The following FILIP1L variants were observed in gnomAD, a reference collection of about 807,000 sequenced individuals.
The protein encoded by FILIP1L is filamin A-interacting protein 1-like.
In FILIP1L, 55 loss-of-function variants were observed where a neutral mutation model predicts 96.6. The observed-to-expected ratio is 0.57, with a 90% CI of 0.46 to 0.71. The LOEUF is 0.71. Ranked by LOEUF, FILIP1L falls within the 30% of genes least tolerant of loss-of-function variation. FILIP1L has a pLI of 0.00. For synonymous variants in FILIP1L, 467 were observed against 473.9 expected, an observed-to-expected ratio of 0.99 and a Z score of 0.19; for missense variants, 1,304 against 1,321.2, an observed-to-expected ratio of 0.99 and a Z score of 0.20.
rs150193435 is a variant in FILIP1L, at chr3:99,997,782, G to A, written c.-10-66752C>T. On this transcript the variant is annotated intron_variant, in intron 1 of 5. Transcript: ENST00000477258. Reference sequence around the variant, plus strand: ...TGAAAAGATAAAATAAGAATAGCATGAGGTAATAGAGTTTTGATTTCCCTC... The same window carrying A: ...TGAAAAGATAAAATAAGAATAGCATAAGGTAATAGAGTTTTGATTTCCCTC... 9.2e-5 allele frequency among the ~76,000 whole-genome samples: 14 copies of A among 152,308 alleles called. No individual in the cohort carries two copies. The East Asian group carries it at 2.7e-3, about 29-fold the overall frequency.
At chr3:99,936,098 C>A (rs1422052432) in intron 1 of FILIP1L, among the ~76,000 whole-genome samples, 1 of 152,002 alleles carries the variant, frequency 6.6e-6, no homozygotes, top group Non-Finnish European at 1.5e-5. Flanking sequence ...TTTTCTTACT[C>A]ATTTTTGTTT....
At chr3:99,966,759 A>G (rs1708665876) in intron 1 of FILIP1L, among the ~76,000 whole-genome samples, 1 of 152,202 alleles carries the variant, frequency 6.6e-6, no homozygotes, top group African/African-American at 2.4e-5. Flanking sequence ...GGTGAGCAGG[A>G]TCTCTGTAAA....
chr3:99,833,268 A>AG, intron 5 of FILIP1L: 2 of 1,609,230 alleles, frequency 1.2e-6, no homozygotes, highest in Non-Finnish European at 1.7e-6. Flanking sequence ...CCACCTAGGG[A>AG]GCAGTAGAAA....
intron 4 of FILIP1L, among the ~76,000 whole-genome samples, chr3:99,858,819 T>C (rs1027341233): frequency 1.3e-5 from 2 of 152,224 alleles, no homozygotes; most frequent in African/African-American, 4.8e-5. Context: ...CTCCAGAGGA[T>C]AGACAGTTGA....
At chr3:100,050,510 T>C (rs147657015) in intron 1 of FILIP1L, among the ~76,000 whole-genome samples, 25 of 152,290 alleles carry the variant, frequency 1.6e-4, no homozygotes, top group African/African-American at 5.1e-4. Flanking sequence ...CTCTGTAAAT[T>C]CCCACAATTT....
rs779971375 is a variant in FILIP1L at position 99,849,674 on chromosome 3, C to G, written c.2002G>C (p.Asp668His). 6.2e-7 allele frequency: 1 copy of G among 1,613,352 alleles called. No homozygotes were observed. Among genetic ancestry groups the G allele is most frequent in the East Asian group, 2.2e-5 (1 of 44,856 alleles). ...TLERRYANERDKAQFLSKELE... is the reference protein window; with the variant it reads ...TLERRYANERHKAQFLSKELE... ...TCTTTAGATAAAAATTGAGCTTTGT[C>G]TCGTTCATTAGCATACCTTCGTTCT... Residue 668 changes from aspartate (D) to histidine (H), a missense_variant, in exon 5 of 6, where the codon GAC becomes CAC. By Grantham distance (81) the Asp-to-His change is moderately conservative. Transcript: ENST00000477258.
chr3:99,980,505 A>G (rs1437527054), intron 1 of FILIP1L, among the ~76,000 whole-genome samples: 1 of 152,212 alleles, frequency 6.6e-6, no homozygotes, highest in African/African-American at 2.4e-5. Flanking sequence ...CAATAAGTGG[A>G]ATAAAAATGA....
chr3:99,860,557 T>C (rs1944197466), intron 4 of FILIP1L, among the ~76,000 whole-genome samples: 1 of 152,016 alleles, frequency 6.6e-6, no homozygotes, highest in Admixed American at 6.6e-5. Flanking sequence ...AGTCTGAGGG[T>C]CCACAGGCAC....
rs143108178 is a variant in FILIP1L at position 100,005,947 on chromosome 3, C to T, written c.-10-74917G>A. ...CTGTGTCCCCATTCATTCCCACCTC[C>T]GCTATTGCTTTTTCAATCCACACAT... On this transcript the variant is annotated intron_variant, in intron 1 of 5. Coordinates refer to ENST00000477258, the MANE Select transcript of FILIP1L (RefSeq NM_001387850.1). Among the ~76,000 whole-genome samples, 565 of 152,242 alleles carry T rather than the reference C, an allele frequency of 3.7e-3. 3 individuals are homozygous for T. Among genetic ancestry groups the T allele is most frequent in the African/African-American group, 0.013 (536 of 41,540 alleles).
At chr3:99,916,840 A>G (rs894718861) in intron 4 of FILIP1L, among the ~76,000 whole-genome samples, 3 of 152,314 alleles carry the variant, frequency 2.0e-5, no homozygotes, top group Admixed American at 1.3e-4. Context: ...TGTGCCAGCC[A>G]TCATCTTCAC....
chr3:99,966,251 G>T (rs1337938843), intron 1 of FILIP1L, among the ~76,000 whole-genome samples: 1 of 152,154 alleles, frequency 6.6e-6, no homozygotes, highest in African/African-American at 2.4e-5. Flanking sequence ...ATGGGAGCTT[G>T]TCATGGCTGG....
At chr3:100,102,482 A>G (rs1249493936) in intron 1 of FILIP1L, among the ~76,000 whole-genome samples, 1 of 152,218 alleles carries the variant, frequency 6.6e-6, no homozygotes, top group East Asian at 1.9e-4. Flanking sequence ...CTGCTTCTCC[A>G]CAGGTGTGAG....
At chr3:99,964,699 T>C (rs1708595067) in intron 1 of FILIP1L, among the ~76,000 whole-genome samples, 2 of 152,080 alleles carry the variant, frequency 1.3e-5, no homozygotes, top group African/African-American at 4.8e-5. Context: ...TGGGAATATT[T>C]GTCTAGAACA....
At chr3:100,030,078 C>T (rs1355777085) in intron 1 of FILIP1L, among the ~76,000 whole-genome samples, 1 of 152,132 alleles carries the variant, frequency 6.6e-6, no homozygotes, top group East Asian at 1.9e-4. Flanking sequence ...GACCTTAAAA[C>T]CCTTGTTTTA....
At chr3:100,047,129 A>G (rs1320411091) in intron 1 of FILIP1L, among the ~76,000 whole-genome samples, 1 of 152,210 alleles carries the variant, frequency 6.6e-6, no homozygotes, top group Non-Finnish European at 1.5e-5. Context: ...CCTTGTTGGT[A>G]AAATGGGTAT....
At chr3:100,014,895 C>CTTTTTTTTTTTTTTTTTTTTT (rs1233573719) in intron 1 of FILIP1L, among the ~76,000 whole-genome samples, 51 of 25,010 alleles carry the variant, frequency 2.0e-3, no homozygotes, top group Non-Finnish European at 2.6e-3. Context: ...TTCTTTCTTT[C>CTTTTTTTTTTTTTTTTTTTTT]TTTTTTTTTT....
chr3:100,000,449 T>A (rs1709809854), intron 1 of FILIP1L, among the ~76,000 whole-genome samples: 1 of 152,344 alleles, frequency 6.6e-6, no homozygotes, highest in African/African-American at 2.4e-5. Flanking sequence ...TAGTAATATG[T>A]GTGACTGCTG....
At chr3:100,065,215 G>A (rs2065643664) in intron 1 of FILIP1L, among the ~76,000 whole-genome samples, 1 of 152,118 alleles carries the variant, frequency 6.6e-6, no homozygotes, top group Non-Finnish European at 1.5e-5. Context: ...GAATCTCTGG[G>A]AGTACCATCC....
intron 5 of FILIP1L, 180 bp downstream of exon 5, chr3:99,848,115 A>G: frequency 6.8e-7 from 1 of 1,459,952 alleles, no homozygotes; most frequent in Non-Finnish European, 9.0e-7. Context: ...CGATATGACT[A>G]TGCAGGCAAC....
Sources: allele counts gnomAD v4.1 joint callset (sites outside exome capture counted in the v4.1 genomes callset), GRCh38; gene constraint gnomAD v4.1.1; transcripts MANE v1.5; gene names NCBI Gene and HGNC (gene_info 2026-07-23, HGNC 2026-07-21).